The following HAPLN1 variants were observed in gnomAD, a reference collection of about 807,000 sequenced individuals.
The protein encoded by HAPLN1 is Cartilage link protein.
A neutral mutation model predicts 36.5 loss-of-function variants in HAPLN1; 13 were observed. The observed-to-expected ratio is 0.36, with a 90% confidence interval of 0.23 to 0.57. The LOEUF (loss-of-function observed/expected upper bound fraction) is 0.57. Ranked by LOEUF, HAPLN1 falls within the 20% of genes least tolerant of loss-of-function variation. The pLI, the probability that HAPLN1 is intolerant of heterozygous loss-of-function variation, is 0.83. For missense variants in HAPLN1, 407 were observed against 439.7 expected (o/e 0.93, Z 0.66); for synonymous variants, 202 against 169.8 (o/e 1.19, Z -1.48).
intron 1 of HAPLN1, among the ~76,000 whole-genome samples, chr5:83,701,217 T>C (rs541975519): frequency 6.6e-6 from 1 of 152,338 alleles, no homozygotes; most frequent in South Asian, 2.1e-4. Context: ...AGGAAAAACA[T>C]AATGCTTTGC....
intron 2 of HAPLN1, 79 bp from the exon 3 acceptor site, chr5:83,652,903 A>G: frequency 7.9e-7 from 1 of 1,267,976 alleles, no homozygotes. Flanking sequence ...AATATATCAC[A>G]TATATAGGAT....
At chr5:83,709,420 A>G (rs1413860384) in intron 1 of HAPLN1, among the ~76,000 whole-genome samples, 2 of 152,160 alleles carry the variant, frequency 1.3e-5, no homozygotes, top group African/African-American at 4.8e-5. Context: ...CTGTTTTACT[A>G]TCTTGGCTTT....
At chr5:83,671,077 A>G (rs927789449) in intron 2 of HAPLN1, among the ~76,000 whole-genome samples, 1 of 152,126 alleles carries the variant, frequency 6.6e-6, no homozygotes, top group East Asian at 1.9e-4. Context: ...CAACAAAATT[A>G]TGAGGAGGCT....
chr5:83,699,338 G>A (rs948084438), intron 1 of HAPLN1, among the ~76,000 whole-genome samples: 1 of 152,144 alleles, frequency 6.6e-6, no homozygotes, highest in African/African-American at 2.4e-5. Context: ...CCTGAATGAC[G>A]CCTTCCAGCA....
chr5:83,674,665 A>G (rs1243794626), intron 1 of HAPLN1: 1 of 152,186 alleles, frequency 6.6e-6, no homozygotes, highest in Non-Finnish European at 1.5e-5. Flanking sequence ...GGCTATTTTT[A>G]AAACTGAAAT....
intron 1 of HAPLN1, among the ~76,000 whole-genome samples, chr5:83,685,202 C>A (rs1031379806): frequency 1.3e-5 from 2 of 152,182 alleles, no homozygotes; most frequent in Admixed American, 1.3e-4. Flanking sequence ...GAATCCAGCT[C>A]ATTGTCTGCA....
intron 1 of HAPLN1, among the ~76,000 whole-genome samples, chr5:83,678,702 GA>G: frequency 6.6e-6 from 1 of 152,216 alleles, no homozygotes; most frequent in African/African-American, 2.4e-5. Context: ...TAGAAAACAG[GA>G]AGAAGATATG....
At chr5:83,717,342 C>G (rs919126900) in intron 1 of HAPLN1, among the ~76,000 whole-genome samples, 1 of 152,180 alleles carries the variant, frequency 6.6e-6, no homozygotes, top group Admixed American at 6.5e-5. Flanking sequence ...ATGAGCGGGT[C>G]TCCTTCTTTC....
intron 1 of HAPLN1, among the ~76,000 whole-genome samples, chr5:83,701,014 A>G (rs1340613123): frequency 6.6e-6 from 1 of 152,176 alleles, no homozygotes; most frequent in Non-Finnish European, 1.5e-5. Flanking sequence ...CTGTTACACT[A>G]TCAGTCAAGA....
At chr5:83,658,078 G>A (rs1312223946) in intron 2 of HAPLN1, among the ~76,000 whole-genome samples, 1 of 151,870 alleles carries the variant, frequency 6.6e-6, no homozygotes, top group African/African-American at 2.4e-5. Context: ...CAAACTGATA[G>A]ACATAGACTC....
At chr5:83,678,220 G>GTGTGTGTGTGT (rs1554049527) in intron 1 of HAPLN1, among the ~76,000 whole-genome samples, 8 of 142,534 alleles carry the variant, frequency 5.6e-5, no homozygotes, top group African/African-American at 1.0e-4. Flanking sequence ...CTATAGTTTG[G>GTGTGTGTGTGT]GTGTGTGTGT....
chr5:83,646,352 G>A (rs1338425019), intron 3 of HAPLN1, among the ~76,000 whole-genome samples: 2 of 152,168 alleles, frequency 1.3e-5, no homozygotes, highest in Non-Finnish European at 2.9e-5. Flanking sequence ...GTGAGTTATA[G>A]CACATGTGCT....
At chr5:83,664,050 CTG>C (rs1750486821) in intron 2 of HAPLN1, among the ~76,000 whole-genome samples, 1 of 152,156 alleles carries the variant, frequency 6.6e-6, no homozygotes, top group Admixed American at 6.5e-5. Flanking sequence ...AGTCTGAACT[CTG>C]AACTCTGGAC....
chr5:83,688,591 C>T (rs1369838144), intron 1 of HAPLN1, among the ~76,000 whole-genome samples: 4 of 146,400 alleles, frequency 2.7e-5, no homozygotes, highest in Non-Finnish European at 5.9e-5. Flanking sequence ...TGGGCATTCA[C>T]GATTTTGGAA....
chr5:83,666,203 G>T (rs1214588753), intron 2 of HAPLN1, among the ~76,000 whole-genome samples: 1 of 151,994 alleles, frequency 6.6e-6, no homozygotes, highest in Non-Finnish European at 1.5e-5. Context: ...TCCACTTAAA[G>T]AACATAATCA....
chr5:83,674,528 T>C (rs1422101531), intron 1 of HAPLN1: 1 of 152,202 alleles, frequency 6.6e-6, no homozygotes. Flanking sequence ...ATACGAACCT[T>C]ATAACCTTTG....
At chr5:83,697,772 A>C (rs1383988458) in intron 1 of HAPLN1, among the ~76,000 whole-genome samples, 1 of 152,002 alleles carries the variant, frequency 6.6e-6, no homozygotes, top group East Asian at 1.9e-4. Context: ...TATAACTCGT[A>C]TTTTCCTAAT....
At chr5:83,691,720 G>T (rs1244857309) in intron 1 of HAPLN1, among the ~76,000 whole-genome samples, 1 of 151,768 alleles carries the variant, frequency 6.6e-6, no homozygotes, top group African/African-American at 2.4e-5. Context: ...AAGCTACTGG[G>T]CTTACAAAGA....
chr5:83,645,455 T>A (rs1749832942), intron 3 of HAPLN1, among the ~76,000 whole-genome samples: 1 of 127,480 alleles, frequency 7.8e-6, no homozygotes, highest in Admixed American at 8.8e-5. Flanking sequence ...TTTTTGTGAT[T>A]TTCTTTTTTC....
Sources: gnomAD v4.1 joint callset for allele counts (sites outside exome capture counted in the v4.1 genomes callset) on GRCh38, gnomAD v4.1.1 for gene constraint, MANE v1.5 for transcripts, NCBI Gene and HGNC (gene_info 2026-07-23, HGNC 2026-07-21) for gene names.